The following TPD52 variants were observed in gnomAD, a reference collection of about 807,000 sequenced individuals.
TPD52 encodes prostate and colon associated protein.
TPD52 carries 17 observed loss-of-function variants against 31.3 expected under a neutral mutation model. The observed-to-expected ratio is 0.54, with a 90% confidence interval of 0.37 to 0.82. TPD52 has a LOEUF of 0.82. Among genes scored for constraint, TPD52 ranks in the 40% least tolerant of loss-of-function variants. The pLI is 0.00. For synonymous variants in TPD52, 83 were observed against 89.6 expected (o/e 0.93, Z 0.42); for missense variants, 212 against 240.1 (o/e 0.88, Z 0.77).
intron 2 of TPD52, among the ~76,000 whole-genome samples, chr8:80,060,074 G>T (rs1392566311): frequency 7.3e-6 from 1 of 137,188 alleles, no homozygotes; most frequent in Non-Finnish European, 1.5e-5. Context: ...GACAGAGCAA[G>T]ACTCCATCTC....
At chr8:80,104,659 T>C (rs1806978688) in intron 1 of TPD52, among the ~76,000 whole-genome samples, 1 of 91,612 alleles carries the variant, frequency 1.1e-5, no homozygotes, top group African/African-American at 7.5e-5. Flanking sequence ...CTGAGTCTGC[T>C]GATTTTTTTT....
At chr8:80,092,713 T>C (rs1816375089) in intron 1 of TPD52, among the ~76,000 whole-genome samples, 1 of 151,970 alleles carries the variant, frequency 6.6e-6, no homozygotes, top group Non-Finnish European at 1.5e-5. Context: ...AGCTAAAAAC[T>C]GTAGATCTCG....
intron 1 of TPD52, among the ~76,000 whole-genome samples, chr8:80,099,641 G>A (rs1288770086): frequency 6.6e-6 from 1 of 151,744 alleles, no homozygotes; most frequent in Admixed American, 6.6e-5. Flanking sequence ...CTCCTGAGTA[G>A]CTGGGACTAC....
At chr8:80,086,547 T>C (rs185874084) in intron 1 of TPD52, among the ~76,000 whole-genome samples, 2 of 152,216 alleles carry the variant, frequency 1.3e-5, no homozygotes, top group East Asian at 3.9e-4. Context: ...AACTGGAATA[T>C]GACCTCAGAT....
Position 80,089,547 on chromosome 8 carries a change from G to A in TPD52, c.20-24954C>T, listed in dbSNP as rs187213454. ...ATAAAATGTGGGAAACCCAGAGATC[G>A]TCAAAAAAAAATTTGAAGAGAAGAG... On this transcript the variant is annotated intron_variant, in intron 1 of 7. Transcript: ENST00000518937. 2.1e-3 allele frequency among the ~76,000 whole-genome samples: 315 copies of A among 151,894 alleles called. 2 individuals carry two copies. The highest frequency in any genetic ancestry group is 0.014 in the East Asian group (71 of 5,182).
intron 2 of TPD52, among the ~76,000 whole-genome samples, chr8:80,062,469 T>C (rs1368322761): frequency 6.6e-6 from 1 of 152,182 alleles, no homozygotes; most frequent in African/African-American, 2.4e-5. Context: ...CTTTATCATC[T>C]AGGATTTAGA....
chr8:80,086,246 G>A lies in TPD52; in HGVS notation c.20-21653C>T, dbSNP rs564203171. Among the ~76,000 whole-genome samples the A allele has an allele frequency of 2.7e-5, 4 of 150,638 alleles. No individual in the cohort carries two copies. In the South Asian group the frequency reaches 8.4e-4, roughly 32 times the overall value. On this transcript the variant is annotated intron_variant, in intron 1 of 7. Transcript: ENST00000518937. ...GATTCTCCTAACCTCAGTCTCCTGA[G>A]TAGCTGGGACTACAAGCGCACACCA...
chr8:80,064,645 C>G (rs774133115), intron 1 of TPD52, 52 bp from the exon 2 acceptor site: 1 of 1,315,120 alleles, frequency 7.6e-7, no homozygotes, highest in African/African-American at 1.4e-5. Context: ...AGTAAAATCC[C>G]TATTTAAGCT....
At chr8:80,069,479 A>G (rs1406192128) in intron 1 of TPD52, among the ~76,000 whole-genome samples, 2 of 151,308 alleles carry the variant, frequency 1.3e-5, no homozygotes, top group African/African-American at 4.9e-5. Flanking sequence ...CAACAACAAC[A>G]AAAATTTTAA....
At chr8:80,046,428 G>T (rs192806189) in intron 5 of TPD52, among the ~76,000 whole-genome samples, 15 of 152,236 alleles carry the variant, frequency 9.9e-5, no homozygotes, top group Admixed American at 6.5e-4. Flanking sequence ...ATTCAATTTT[G>T]TTGGTAACTA....
At chr8:80,081,734 A>C (rs1466670055) in intron 1 of TPD52, among the ~76,000 whole-genome samples, 1 of 151,808 alleles carries the variant, frequency 6.6e-6, no homozygotes. Flanking sequence ...TTTTAAATAC[A>C]GAATATATGC....
chr8:80,152,863 A>G (rs1810680973), intron 1 of TPD52, among the ~76,000 whole-genome samples: 1 of 151,600 alleles, frequency 6.6e-6, no homozygotes, highest in Non-Finnish European at 1.5e-5. Flanking sequence ...TGCCAAAGAC[A>G]GCCTATGTGG....
chr8:80,086,117 GTTTTTTTT>G (rs1366202183), intron 1 of TPD52, among the ~76,000 whole-genome samples: 1 of 88,870 alleles, frequency 1.1e-5, no homozygotes, highest in Non-Finnish European at 2.1e-5. Flanking sequence ...TTTTTTTTTA[GTTTTTTTT>G]TTTTTTTTTT....
At chr8:80,095,840 C>G (rs1310354642) in intron 1 of TPD52, among the ~76,000 whole-genome samples, 3 of 152,156 alleles carry the variant, frequency 2.0e-5, no homozygotes, top group Non-Finnish European at 4.4e-5. Context: ...CCCAGCTACT[C>G]AGGAGGCTGA....
intron 6 of TPD52, 102 bp downstream of exon 6, chr8:80,044,065 A>G: frequency 1.0e-6 from 1 of 989,868 alleles, no homozygotes; most frequent in Non-Finnish European, 1.5e-6. Flanking sequence ...GCTTGTTTCA[A>G]GGGGAATTCT....
At chr8:80,078,206 A>C (rs1814812841) in intron 1 of TPD52, among the ~76,000 whole-genome samples, 1 of 152,240 alleles carries the variant, frequency 6.6e-6, no homozygotes, top group Non-Finnish European at 1.5e-5. Flanking sequence ...GCCCATAGAT[A>C]AAATCTCATT....
intron 1 of TPD52, among the ~76,000 whole-genome samples, chr8:80,154,323 T>A (rs1443307980): frequency 1.3e-5 from 2 of 152,116 alleles, no homozygotes; most frequent in Non-Finnish European, 2.9e-5. Flanking sequence ...GCCCGCAGCC[T>A]CCCCAAGCTC....
At chr8:80,034,212 TC>T (rs1469054542), downstream of TPD52, among the ~76,000 whole-genome samples, 3 of 151,860 alleles carry the variant, frequency 2.0e-5, no homozygotes, top group Non-Finnish European at 4.4e-5. Flanking sequence ...ACAACTTTGC[TC>T]CGAACTGGAG....
intron 5 of TPD52, among the ~76,000 whole-genome samples, chr8:80,048,197 C>G (rs527442538): frequency 6.6e-6 from 1 of 152,336 alleles, no homozygotes; most frequent in African/African-American, 2.4e-5. Context: ...CTCAGGACAT[C>G]AAGAGCAGCT....
Sources: allele counts gnomAD v4.1 joint callset (sites outside exome capture counted in the v4.1 genomes callset), GRCh38; gene constraint gnomAD v4.1.1; transcripts MANE v1.5; gene names NCBI Gene and HGNC (gene_info 2026-07-23, HGNC 2026-07-21).